Variants in ZNF117 observed in about 807,000 individuals in gnomAD.
ZNF117 encodes zinc finger protein 117, also known as Krueppel-related zinc finger protein.
A neutral mutation model predicts 41.2 loss-of-function variants in ZNF117; 37 were observed. That is an observed-to-expected ratio of 0.90 (90% CI 0.69 to 1.18). The LOEUF (loss-of-function observed/expected upper bound fraction) is 1.18. Among genes scored for constraint, ZNF117 ranks in the 50% most tolerant of loss-of-function variants. The pLI is 0.00. For synonymous variants in ZNF117, 186 were observed against 186.6 expected, an observed-to-expected ratio of 1.00 and a Z score of 0.02; for missense variants, 546 against 557.5, an observed-to-expected ratio of 0.98 and a Z score of 0.21.
downstream of ZNF117, chr7:64,972,692 T>C (rs1477653112): frequency 1.3e-5 from 2 of 151,878 alleles, no homozygotes; most frequent in East Asian, 1.9e-4. Context: ...ATAATTATAG[T>C]TTAATAGGAG....
intron 2 of ZNF117, 180 bp downstream of exon 3, chr7:64,981,207 T>C: frequency 1.3e-6 from 1 of 749,700 alleles, no homozygotes; most frequent in Non-Finnish European, 2.1e-6. Flanking sequence ...AGAGGAATCC[T>C]TAGAGAATTG....
chr7:64,979,511 G>GC lies in ZNF117; in HGVS notation c.59_60insG (p.His20GlnfsTer21). Reference sequence around the variant, plus strand: ...CTCTTATGTTCTGCTCTGGCCAAAGGTGTTGGGCAAAATAATAAAACATAA... The same window carrying GC: ...CTCTTATGTTCTGCTCTGGCCAAAGGCTGTTGGGCAAAATAATAAAACATAA... On this transcript the variant is annotated frameshift_variant, in exon 3 of 3. Coordinates refer to ENST00000620222, the Ensembl canonical transcript of ZNF117. LOFTEE classifies it high-confidence loss of function. 6.6e-7 allele frequency: 1 copy of GC among 1,510,984 alleles called. No homozygotes were observed. The highest frequency in any genetic ancestry group is 8.9e-7 in the Non-Finnish European group (1 of 1,129,324). 93.6% of individuals were successfully genotyped at this position (1,510,984 alleles called of 1,614,324 possible). A position where few individuals can be genotyped will look rare whatever the true frequency, so the allele number is the denominator to read the frequency against.
In ZNF117 at chr7:64,979,431, A is replaced by C. The variant is rs778964598; in HGVS notation, c.140T>G (p.Leu47Ter). 6.2e-7 allele frequency: 1 copy of C among 1,610,510 alleles called. No individual in the cohort carries two copies. The highest frequency in any genetic ancestry group is 1.3e-5 in the African/African-American group (1 of 74,918). ...ACTTTTACAGCCTTTTCTTAACTGTAAATTCTCATATCCACATTTTCTATA... is the reference window on the plus strand; with the variant it reads ...ACTTTTACAGCCTTTTCTTAACTGTCAATTCTCATATCCACATTTTCTATA... The change falls in exon 3 of 3, where the codon TTA becomes TGA. Residue 47 changes from leucine to a stop codon, truncating the protein, a stop_gained. Transcript: ENST00000620222. LOFTEE classifies it high-confidence loss of function.
chr7:64,984,138 C>CT (rs779954070), upstream of ZNF117, among the ~76,000 whole-genome samples: 7,726 of 148,926 alleles, frequency 0.052, 219 homozygotes, highest in East Asian at 0.15. Flanking sequence ...CCAAAGAACA[C>CT]TTTTTTTTTT....
intron 1 of ZNF117, 119 bp from the exon 3 acceptor site, chr7:64,981,601 A>G (rs535281521): frequency 1.1e-6 from 1 of 881,614 alleles, no homozygotes; most frequent in Admixed American, 3.0e-5. Context: ...CCCAAATGCT[A>G]ATTTATAACA....
chr7:64,989,056 A>C (rs1435110357), intron 1 of ZNF117, among the ~76,000 whole-genome samples: 3 of 152,022 alleles, frequency 2.0e-5, no homozygotes, highest in African/African-American at 7.2e-5. Context: ...TTCCTATCAA[A>C]CTACCAAAAA....
chr7:64,981,566 A>G, intron 1 of ZNF117, 84 bp from the exon 3 acceptor site: 2 of 1,157,262 alleles, frequency 1.7e-6, no homozygotes, highest in Middle Eastern at 2.0e-4. Flanking sequence ...AAGAGAATGC[A>G]ATAGAATATT....
Position 64,979,435 on chromosome 7 carries a change from T to C in ZNF117, c.136A>G (p.Asn46Asp), listed in dbSNP as rs373578141. The C allele has an allele frequency of 3.7e-6, 6 of 1,610,280 alleles. No homozygotes were observed. In the African/African-American group the frequency reaches 4.0e-5, roughly 11 times the overall value. Residue 46 changes from asparagine to aspartate, a missense_variant, in exon 3 of 3, where the codon AAT becomes GAT. Physicochemically the swap from Asn to Asp is conservative, Grantham distance 23. Transcript: ENST00000620222. ...TTACAGCCTTTTCTTAACTGTAAAT[T>C]CTCATATCCACATTTTCTATATCTT...
exon 3 of ZNF117, chr7:64,975,309 T>C (rs1353418010): frequency 6.6e-6 from 1 of 151,704 alleles, no homozygotes; most frequent in Non-Finnish European, 1.5e-5. Context: ...GTACAGTTAG[T>C]AAAATGATAT....
downstream of ZNF117, chr7:64,972,152 TTAC>T (rs1785794252): frequency 6.6e-6 from 1 of 152,050 alleles, no homozygotes; most frequent in African/African-American, 2.4e-5. Context: ...AGAATTACTC[TTAC>T]TAAAAAGAAA....
chr7:64,978,285 G>T (rs1306317215), exon 3 of ZNF117: 1 of 1,593,636 alleles, frequency 6.3e-7, no homozygotes, highest in Non-Finnish European at 8.6e-7. Flanking sequence ...AAGGGTTGAA[G>T]ATCGGTTAAA....
intron 2 of ZNF117, chr7:64,980,601 G>T (rs1179047942): frequency 1.3e-5 from 2 of 151,902 alleles, no homozygotes; most frequent in Non-Finnish European, 2.9e-5. Flanking sequence ...TACACACAAA[G>T]ATATTTACAA....
chr7:64,979,543 G>T lies in ZNF117; in HGVS notation c.35-7C>A, dbSNP rs367835243. On this transcript the variant is annotated splice_polypyrimidine_tract_variant and splice_region_variant and intron_variant, in intron 2 of 2. Transcript: ENST00000620222. Reference sequence around the variant, plus strand: ...GCAAAATAATAAAACATAACTGAAAGAAATAAAAGTAACAAACTACTTCAC... The same window carrying T: ...GCAAAATAATAAAACATAACTGAAATAAATAAAAGTAACAAACTACTTCAC... 5 of 1,454,830 alleles carry T rather than the reference G, an allele frequency of 3.4e-6. No homozygotes were observed. The highest frequency in any genetic ancestry group is 4.5e-6 in the Non-Finnish European group (5 of 1,100,118). 90.1% of individuals were successfully genotyped at this position (1,454,830 alleles called of 1,614,324 possible). A position where few individuals can be genotyped will look rare whatever the true frequency, so the allele number is the denominator to read the frequency against.
chr7:64,989,488 TATATATATATAA>T (rs1228313646), intron 1 of ZNF117, among the ~76,000 whole-genome samples: 4 of 76,556 alleles, frequency 5.2e-5, no homozygotes, highest in African/African-American at 1.4e-4. Flanking sequence ...TATATATATA[TATATATATATAA>T]AACCTGAAAA....
chr7:64,984,357 C>T (rs923738793), upstream of ZNF117, among the ~76,000 whole-genome samples: 4 of 152,178 alleles, frequency 2.6e-5, no homozygotes, highest in African/African-American at 9.7e-5. Context: ...GTCTTGAACT[C>T]CTGACCTCAA....
chr7:64,979,239 C>T lies in ZNF117; in HGVS notation c.332G>A (p.Cys111Tyr), dbSNP rs371564709. 1.2e-4 allele frequency: 195 copies of T among 1,608,150 alleles called. No homozygotes were observed. The highest frequency in any genetic ancestry group is 1.6e-4 in the Non-Finnish European group (192 of 1,177,760). ...GCAAAATGTTTTGCGACATTCTTTA[C>T]ATTTAAAATGTTTATTTTCAGTATG... Residue 111 changes from cysteine (C) to tyrosine (Y), a missense_variant, in exon 3 of 3, where the codon TGT becomes TAT. Coordinates refer to ENST00000620222, the Ensembl canonical transcript of ZNF117.
chr7:64,981,476 G>A (rs1786032486), exon 2 of ZNF117: 2 of 1,584,308 alleles, frequency 1.3e-6, no homozygotes, highest in Non-Finnish European at 8.7e-7. Context: ...CTTAGAGACA[G>A]CAATACCTGT....
downstream of ZNF117, chr7:64,973,384 A>G (rs570207041): frequency 1.3e-5 from 2 of 152,064 alleles, no homozygotes; most frequent in East Asian, 3.9e-4. Context: ...AGCAAATTTT[A>G]TATTTGCCAC....
chr7:64,973,565 G>A (rs1322184882), downstream of ZNF117: 1 of 151,926 alleles, frequency 6.6e-6, no homozygotes, highest in Non-Finnish European at 1.5e-5. Flanking sequence ...TGATCAGAAA[G>A]TTATATTGAT....
Sources: gnomAD v4.1 joint callset for allele counts (sites outside exome capture counted in the v4.1 genomes callset) on GRCh38, gnomAD v4.1.1 for gene constraint, MANE v1.5 for transcripts, NCBI Gene and HGNC (gene_info 2026-07-23, HGNC 2026-07-21) for gene names.